Variants in MACROD2 observed in about 807,000 individuals in gnomAD.
The protein encoded by MACROD2 is ADP-ribose glycohydrolase MACROD2.
Under a neutral mutation model 70.4 loss-of-function variants are expected in MACROD2, and 36 were observed. The ratio of observed to expected loss-of-function variants is 0.51; its 90% CI spans 0.39 to 0.68. The LOEUF is 0.68. Among genes scored for constraint, MACROD2 ranks in the 30% least tolerant of loss-of-function variants. The pLI is 0.00. For synonymous variants in MACROD2, 172 were observed against 178.8 expected, an observed-to-expected ratio of 0.96 and a Z score of 0.30; for missense variants, 496 against 538.4, an observed-to-expected ratio of 0.92 and a Z score of 0.78.
intron 3 of MACROD2, among the ~76,000 whole-genome samples, chr20:14,320,227 C>T (rs1280109457): frequency 6.6e-6 from 1 of 152,138 alleles, no homozygotes; most frequent in Non-Finnish European, 1.5e-5. Flanking sequence ...TGAAAATCTT[C>T]ATCATCTTCA....
At chr20:14,480,782 A>G (rs1282374076) in intron 3 of MACROD2, among the ~76,000 whole-genome samples, 1 of 152,184 alleles carries the variant, frequency 6.6e-6, no homozygotes, top group African/African-American at 2.4e-5. Context: ...TGTGTCTTGT[A>G]TGGTAAATAA....
At chr20:14,319,318 C>A (rs1468905397) in intron 3 of MACROD2, among the ~76,000 whole-genome samples, 1 of 152,186 alleles carries the variant, frequency 6.6e-6, no homozygotes, top group Non-Finnish European at 1.5e-5. Flanking sequence ...GAGCCACAGT[C>A]ATGGCTTAGG....
At chr20:15,336,226 C>T (rs544234553) in intron 6 of MACROD2, among the ~76,000 whole-genome samples, 10 of 151,464 alleles carry the variant, frequency 6.6e-5, no homozygotes, top group Admixed American at 3.9e-4. Context: ...TAATTTCCCC[C>T]GCAGGTAGCA....
chr20:15,102,239 G>T (rs1335408821), intron 5 of MACROD2, among the ~76,000 whole-genome samples: 1 of 151,890 alleles, frequency 6.6e-6, no homozygotes, highest in African/African-American at 2.4e-5. Context: ...AATGAGCAGG[G>T]AAATGTAAAT....
Position 15,986,724 on chromosome 20 carries a change from C to A in MACROD2, c.986-3C>A. On this transcript the variant is annotated splice_region_variant and splice_polypyrimidine_tract_variant and intron_variant, in intron 13 of 17. Transcript: ENST00000684519. ...TTTATTTTTCAATCACTGTTTTGAA[C>A]AGGACAAGAGAATGATTCAACGAAG... 1 of 1,606,896 alleles carries A rather than the reference C, an allele frequency of 6.2e-7. No individual in the cohort carries two copies. The highest frequency in any genetic ancestry group is 1.1e-5 in the South Asian group (1 of 90,518).
chr20:15,587,785 G>C (rs147363177), intron 8 of MACROD2, among the ~76,000 whole-genome samples: 3 of 152,338 alleles, frequency 2.0e-5, no homozygotes, highest in African/African-American at 7.2e-5. Flanking sequence ...GGGTTCCCAT[G>C]GTCTTGGGCA....
At chr20:14,885,442 A>T (rs2073662306) in intron 5 of MACROD2, among the ~76,000 whole-genome samples, 1 of 152,164 alleles carries the variant, frequency 6.6e-6, no homozygotes, top group African/African-American at 2.4e-5. Context: ...TCTGGTACAC[A>T]CATCATCCCT....
intron 7 of MACROD2, among the ~76,000 whole-genome samples, chr20:15,442,709 T>C (rs2046512210): frequency 6.6e-6 from 1 of 152,106 alleles, no homozygotes; most frequent in Non-Finnish European, 1.5e-5. Flanking sequence ...GAATATCACA[T>C]TTTGATGGAC....
intron 3 of MACROD2, among the ~76,000 whole-genome samples, chr20:14,273,292 G>A (rs374548134): frequency 1.3e-5 from 2 of 151,918 alleles, no homozygotes; most frequent in African/African-American, 2.4e-5. Context: ...ATAACAAACT[G>A]TCTCTCAGAC....
chr20:15,911,389 G>A (rs1387874115), intron 10 of MACROD2, among the ~76,000 whole-genome samples: 2 of 152,194 alleles, frequency 1.3e-5, no homozygotes, highest in Non-Finnish European at 2.9e-5. Context: ...CAGACAATAA[G>A]AGTTAGGAGG....
intron 8 of MACROD2, among the ~76,000 whole-genome samples, chr20:15,830,297 C>T (rs1472120991): frequency 6.6e-6 from 1 of 152,224 alleles, no homozygotes; most frequent in East Asian, 1.9e-4. Context: ...GGTGGGGCTG[C>T]TTTCATAGGA....
intron 6 of MACROD2, among the ~76,000 whole-genome samples, chr20:15,341,897 T>C (rs2078113995): frequency 6.6e-6 from 1 of 152,006 alleles, no homozygotes; most frequent in Non-Finnish European, 1.5e-5. Context: ...CAAAAATTTT[T>C]TAAAAAATTA....
intron 3 of MACROD2, among the ~76,000 whole-genome samples, chr20:14,408,028 C>T (rs1487867980): frequency 1.3e-5 from 2 of 152,060 alleles, no homozygotes; most frequent in Admixed American, 1.3e-4. Flanking sequence ...CCACCTTTGG[C>T]ATTTACTGAC....
At chr20:14,758,068 G>A (rs1270914842) in intron 5 of MACROD2, 3 of 563,626 alleles carry the variant, frequency 5.3e-6, no homozygotes, top group African/African-American at 3.8e-5. Flanking sequence ...TTTGGAGAGG[G>A]TTATTTTGCA....
At chr20:15,653,800 T>A (rs116043943) in intron 8 of MACROD2, among the ~76,000 whole-genome samples, 126 of 152,196 alleles carry the variant, frequency 8.3e-4, no homozygotes, top group African/African-American at 2.8e-3. Context: ...TGACTATAAA[T>A]CCCTATCCCG....
chr20:14,791,767 T>C (rs1428991690), intron 5 of MACROD2, among the ~76,000 whole-genome samples: 1 of 151,870 alleles, frequency 6.6e-6, no homozygotes, highest in African/African-American at 2.4e-5. Flanking sequence ...TAATAAAGCC[T>C]TTCAAAAAGC....
chr20:15,160,185 C>A (rs425414), intron 5 of MACROD2, among the ~76,000 whole-genome samples: 7 of 151,814 alleles, frequency 4.6e-5, no homozygotes, highest in East Asian at 1.9e-4. Flanking sequence ...GGGACGGTGA[C>A]GATAAGGAGG....
At chr20:14,526,022 G>C (rs765583111) in intron 4 of MACROD2, among the ~76,000 whole-genome samples, 1 of 152,132 alleles carries the variant, frequency 6.6e-6, no homozygotes. Context: ...GGCCGATATC[G>C]GAATGTTGAT....
intron 3 of MACROD2, among the ~76,000 whole-genome samples, chr20:14,265,816 A>T (rs1322969548): frequency 7.4e-6 from 1 of 135,968 alleles, no homozygotes; most frequent in Non-Finnish European, 1.5e-5. Context: ...TCGCTCTGCT[A>T]CCCAGGCTGG....
Sources: gnomAD v4.1 joint callset for allele counts (sites outside exome capture counted in the v4.1 genomes callset) on GRCh38, gnomAD v4.1.1 for gene constraint, MANE v1.5 for transcripts, NCBI Gene and HGNC (gene_info 2026-07-23, HGNC 2026-07-21) for gene names.